Variants in EIF1AX observed in about 807,000 individuals in gnomAD.
EIF1AX encodes eukaryotic translation initiation factor 1A X-linked.
EIF1AX carries 1 observed loss-of-function variant against 16.1 expected under a neutral mutation model. The observed-to-expected ratio is 0.06, with a 90% CI of 0.02 to 0.30. The LOEUF (loss-of-function observed/expected upper bound fraction) is 0.30. EIF1AX is among the 10% of genes least tolerant of loss of function. EIF1AX has a pLI of 1.00. For missense variants in EIF1AX, 11 were observed against 109.1 expected, an observed-to-expected ratio of 0.10 and a Z score of 4.00; for synonymous variants, 32 against 37.3, an observed-to-expected ratio of 0.86 and a Z score of 0.51.
intron 4 of EIF1AX, 23 bp downstream of exon 4, chrX:20,133,934 A>T: frequency 8.6e-7 from 1 of 1,159,975 alleles, no homozygotes; most frequent in Non-Finnish European, 1.2e-6. Context: ...GTAAAATAGG[A>T]AAAATTTACA....
intron 1 of EIF1AX, among the ~76,000 whole-genome samples, chrX:20,138,886 A>T (rs1265943194): frequency 8.9e-6 from 1 of 112,177 alleles, no homozygotes; most frequent in African/African-American, 3.2e-5. Flanking sequence ...ATATTATGTT[A>T]AAAAATATAG....
intron 3 of EIF1AX, 91 bp from the exon 4 acceptor site, chrX:20,134,098 G>C: frequency 2.0e-6 from 2 of 996,741 alleles, no homozygotes; most frequent in South Asian, 2.1e-5. Flanking sequence ...GAAATTAAGA[G>C]ATTTTAGGCC....
intron 3 of EIF1AX, 142 bp from the exon 4 acceptor site, chrX:20,134,149 G>A (rs934695062): frequency 6.8e-6 from 4 of 590,086 alleles, no homozygotes; most frequent in Non-Finnish European, 1.1e-5. Flanking sequence ...CACTCTGGGA[G>A]GCCAAGGTGG....
At chrX:20,134,189 C>A (rs1345763056) in intron 3 of EIF1AX, among the ~76,000 whole-genome samples, 182 bp from the exon 4 acceptor site, 1 of 111,545 alleles carries the variant, frequency 9.0e-6, no homozygotes, top group Non-Finnish European at 1.9e-5. Context: ...GAGTTCGAGA[C>A]CATCCTGGCC....
intron 4 of EIF1AX, among the ~76,000 whole-genome samples, chrX:20,133,039 T>C (rs894515448): frequency 9.0e-6 from 1 of 111,417 alleles, no homozygotes; most frequent in Non-Finnish European, 1.9e-5. Context: ...TCTAACAAGC[T>C]TCCAGAAGAT....
At chrX:20,137,667 C>G (rs1293529513) in intron 2 of EIF1AX, among the ~76,000 whole-genome samples, 1 of 111,673 alleles carries the variant, frequency 9.0e-6, no homozygotes, top group East Asian at 2.8e-4. Flanking sequence ...CTAATAAAAT[C>G]AGTTAACTGT....
chrX:20,132,491 G>A (rs2067004206), intron 4 of EIF1AX, among the ~76,000 whole-genome samples: 1 of 111,455 alleles, frequency 9.0e-6, no homozygotes, highest in South Asian at 3.7e-4. Context: ...GAAATATAGA[G>A]ATCTCACTTT....
intron 2 of EIF1AX, 35 bp from the exon 3 acceptor site, chrX:20,135,876 G>T: frequency 9.6e-7 from 1 of 1,045,440 alleles, no homozygotes; most frequent in Non-Finnish European, 1.3e-6. Context: ...ATGGAATATT[G>T]TTCAACTTTT....
rs1398190553 is a variant in EIF1AX at position 20,128,077 on chromosome X, A to T, written c.*229T>A. 14 of 282,274 alleles carry T rather than the reference A, an allele frequency of 5.0e-5. No individual in the cohort carries two copies. Among genetic ancestry groups the T allele is most frequent in the Non-Finnish European group, 6.3e-5 (10 of 159,831 alleles). The allele number at this position is 282,274 out of a possible 1,213,427, so 23.3% of individuals were successfully genotyped here. ...TTGTAATTAGTAGACATGGTCTTCTACCCATAAGCTCCATTACATTAAAAG... is the reference window on the plus strand; with the variant it reads ...TTGTAATTAGTAGACATGGTCTTCTTCCCATAAGCTCCATTACATTAAAAG... On this transcript the variant is annotated 3_prime_UTR_variant, in exon 7 of 7. Coordinates refer to ENST00000379607, the MANE Select transcript of EIF1AX (RefSeq NM_001412.4).
intron 2 of EIF1AX, among the ~76,000 whole-genome samples, chrX:20,137,007 T>C (rs2067018879): frequency 1.8e-5 from 2 of 111,880 alleles, no homozygotes; most frequent in Admixed American, 1.9e-4. Context: ...GAGTATATAC[T>C]AGATATTATA....
intron 4 of EIF1AX, among the ~76,000 whole-genome samples, chrX:20,133,511 G>T (rs1268994016): frequency 2.9e-5 from 3 of 101,857 alleles, no homozygotes; most frequent in South Asian, 4.3e-4. Flanking sequence ...TTTATTCTGG[G>T]TTTTTTTTTT....
At chrX:20,135,865 T>C (rs771092459) in intron 2 of EIF1AX, 24 bp from the exon 3 acceptor site, 2 of 1,084,812 alleles carry the variant, frequency 1.8e-6, no homozygotes, top group Non-Finnish European at 2.6e-6. Context: ...AGGAAAAGGG[T>C]ATGGAATATT....
At chrX:20,136,394 T>A (rs1010131766) in intron 2 of EIF1AX, 7 of 302,683 alleles carry the variant, frequency 2.3e-5, no homozygotes, top group African/African-American at 1.6e-4. Context: ...TCCACTTCAG[T>A]AAAAGCAGAT....
Position 20,125,105 on chromosome X carries a change from C to CA in EIF1AX, c.*3200dup, listed in dbSNP as rs760487287. The CA allele has an allele frequency of 2.0e-5, 3 of 146,629 alleles. No homozygotes were observed. Among genetic ancestry groups the CA allele is most frequent in the Non-Finnish European group, 4.0e-5 (3 of 74,172 alleles). The allele number at this position is 146,629 out of a possible 1,213,427, so 12.1% of individuals were successfully genotyped here. ...AGAGGTGAAGAACCTGAAGCTGAGA[C>CA]AAGCAGGAGAATGTGCCAGTGGTCA... On this transcript the variant is annotated 3_prime_UTR_variant, in exon 7 of 7. Coordinates refer to ENST00000379607, the MANE Select transcript of EIF1AX (RefSeq NM_001412.4).
chrX:20,136,227 G>C, intron 2 of EIF1AX: 1 of 338,458 alleles, frequency 3.0e-6, no homozygotes, highest in Non-Finnish European at 5.7e-6. Flanking sequence ...AAACACGTGT[G>C]CGTGCACACA....
chrX:20,141,394 G>C (rs1456610570), intron 1 of EIF1AX, among the ~76,000 whole-genome samples: 1 of 111,922 alleles, frequency 8.9e-6, no homozygotes, highest in African/African-American at 3.2e-5. Flanking sequence ...TCCCGCAGGA[G>C]GCCCTACAAA....
chrX:20,134,014 A>G lies in EIF1AX; in HGVS notation c.205-7T>C, dbSNP rs759546126. The G allele has an allele frequency of 3.8e-5, 45 of 1,193,259 alleles. No individual in the cohort carries two copies. Among genetic ancestry groups the G allele is most frequent in the Non-Finnish European group, 4.9e-5 (43 of 884,606 alleles). On this transcript the variant is annotated splice_region_variant and splice_polypyrimidine_tract_variant and intron_variant, in intron 3 of 6. Coordinates refer to ENST00000379607, the MANE Select transcript of EIF1AX (RefSeq NM_001412.4). ...CCGAGGTATTTATCCAAACCTACAA[A>G]AGAAAAGTCACTGCCCGTCACATTT...
intron 3 of EIF1AX, 60 bp from the exon 4 acceptor site, chrX:20,134,067 G>C (rs1180487346): frequency 3.7e-6 from 4 of 1,090,210 alleles, no homozygotes; most frequent in Non-Finnish European, 5.0e-6. Context: ...AGAAATTCCA[G>C]AGTAACAATC....
chrX:20,138,079 A>ACTGCAACCTCCGCCTCC (rs1263318296), intron 2 of EIF1AX, among the ~76,000 whole-genome samples: 8 of 87,234 alleles, frequency 9.2e-5, no homozygotes, highest in Non-Finnish European at 1.5e-4. Flanking sequence ...ATCTCGGCTC[A>ACTGCAACCTCCGCCTCC]CTGCAACCTC....
Sources: allele counts gnomAD v4.1 joint callset (sites outside exome capture counted in the v4.1 genomes callset), GRCh38; gene constraint gnomAD v4.1.1; transcripts MANE v1.5; gene names NCBI Gene and HGNC (gene_info 2026-07-23, HGNC 2026-07-21).